Variants in PRTG observed in about 807,000 individuals in gnomAD.
The protein encoded by PRTG is immunoglobulin superfamily, DCC subclass, member 5.
Under a neutral mutation model 122.5 loss-of-function variants are expected in PRTG, and 67 were observed. That is an observed-to-expected ratio of 0.55 (90% CI 0.45 to 0.67). The LOEUF is 0.67. Among genes scored for constraint, PRTG ranks in the 30% least tolerant of loss-of-function variants. The pLI, the probability that PRTG is intolerant of heterozygous loss-of-function variation, is 0.00. For missense variants in PRTG, 1,435 were observed against 1,415.4 expected, an observed-to-expected ratio of 1.01 and a Z score of -0.22; for synonymous variants, 554 against 501.1, an observed-to-expected ratio of 1.11 and a Z score of -1.41.
At position 55,619,840 on chromosome 15, in the gene PRTG, A is replaced by G; in HGVS notation, c.*172T>C. The G allele has an allele frequency of 9.3e-7, 1 of 1,080,228 alleles. No individual in the cohort carries two copies. Among genetic ancestry groups the G allele is most frequent in the Non-Finnish European group, 1.3e-6 (1 of 768,382 alleles). The allele number at this position is 1,080,228 out of a possible 1,614,324, so 66.9% of individuals were successfully genotyped here. On this transcript the variant is annotated 3_prime_UTR_variant, in exon 20 of 20. Transcript: ENST00000389286. ...TGTCCTTCGAACAGATTTAATGGTG[A>G]GAATACCTGAGCATGGCCGTCTAGA... is the stretch of plus-strand genomic sequence containing the variant.
At chr15:55,623,146 T>G (rs752834342) in intron 18 of PRTG, among the ~76,000 whole-genome samples, 7 of 152,152 alleles carry the variant, frequency 4.6e-5, no homozygotes, top group Non-Finnish European at 8.8e-5. Flanking sequence ...GAAAAATAAT[T>G]TATAACAGGG....
chr15:55,699,396 C>T (rs755081904), intron 2 of PRTG, among the ~76,000 whole-genome samples: 16 of 151,996 alleles, frequency 1.1e-4, no homozygotes, highest in Non-Finnish European at 1.5e-4. Context: ...AAGAAATTAG[C>T]AGTGATTTCA....
In PRTG at chr15:55,711,814, G is replaced by A. The variant is rs112115219; in HGVS notation, c.398-27883C>T. Among the ~76,000 whole-genome samples, 144 of 152,270 alleles carry A rather than the reference G, an allele frequency of 9.5e-4. 1 individual carries two copies. Among genetic ancestry groups the A allele is most frequent in the African/African-American group, 2.9e-3 (121 of 41,562 alleles). On this transcript the variant is annotated intron_variant, in intron 2 of 19. Transcript: ENST00000389286. ...ACAATAATATATACTTACAGTTTTA[G>A]GCCACCCTGTTTAGAAATAATTTGT...
chr15:55,668,983 T>C (rs2059453282), intron 11 of PRTG, among the ~76,000 whole-genome samples: 1 of 152,178 alleles, frequency 6.6e-6, no homozygotes, highest in South Asian at 2.1e-4. Flanking sequence ...AGAGATTACA[T>C]CTGTTACACC....
chr15:55,669,394 A>T (rs1188020460), intron 11 of PRTG, among the ~76,000 whole-genome samples: 1 of 152,214 alleles, frequency 6.6e-6, no homozygotes, highest in Non-Finnish European at 1.5e-5. Context: ...GGATTCCCTT[A>T]ACCTACTGCC....
chr15:55,700,390 T>C (rs1414218012), intron 2 of PRTG, among the ~76,000 whole-genome samples: 2 of 152,202 alleles, frequency 1.3e-5, no homozygotes, highest in South Asian at 4.1e-4. Context: ...AGAAAAATCT[T>C]TGTGTCCTGG....
At chr15:55,685,311 C>A (rs1429036538) in intron 2 of PRTG, among the ~76,000 whole-genome samples, 2 of 152,106 alleles carry the variant, frequency 1.3e-5, no homozygotes, top group Non-Finnish European at 2.9e-5. Context: ...AAGCACAGGA[C>A]AAGGCCAGCA....
chr15:55,703,437 G>C (rs2029966339), intron 2 of PRTG, among the ~76,000 whole-genome samples: 1 of 152,140 alleles, frequency 6.6e-6, no homozygotes. Context: ...ACTAGGGCTT[G>C]ACAGGCAACT....
intron 2 of PRTG, among the ~76,000 whole-genome samples, chr15:55,690,928 T>C (rs975899724): frequency 1.3e-5 from 2 of 152,302 alleles, no homozygotes; most frequent in East Asian, 1.9e-4. Context: ...TAAGTGGTGA[T>C]ACTGGGATCT....
chr15:55,657,469 G>T (rs1366625742), intron 11 of PRTG, among the ~76,000 whole-genome samples: 1 of 152,078 alleles, frequency 6.6e-6, no homozygotes, highest in East Asian at 1.9e-4. Context: ...TCTGTAACTT[G>T]TTAAGTGATC....
chr15:55,666,633 A>G (rs1241945150), intron 11 of PRTG, among the ~76,000 whole-genome samples: 2 of 152,206 alleles, frequency 1.3e-5, no homozygotes, highest in Admixed American at 1.3e-4. Flanking sequence ...TTAGCTTTCA[A>G]ATCTAGTGAT....
rs540081318 is a variant in PRTG, at chr15:55,617,377, A to G, written c.*2635T>C. Reference sequence around the variant, plus strand: ...AAGAAAGTATTACAACTTATTTTAAATGCTCTGGTAACAATAAGGTAGTTA... The same window carrying G: ...AAGAAAGTATTACAACTTATTTTAAGTGCTCTGGTAACAATAAGGTAGTTA... On this transcript the variant is annotated 3_prime_UTR_variant, in exon 20 of 20. Transcript: ENST00000389286. The G allele has an allele frequency of 6.6e-6, 1 of 152,220 alleles. No individual in the cohort carries two copies. The highest frequency in any genetic ancestry group is 2.1e-4 in the South Asian group (1 of 4,826). The allele number at this position is 152,220 out of a possible 1,614,324, so 9.4% of individuals were successfully genotyped here.
At chr15:55,721,769 G>A (rs1330006642) in intron 2 of PRTG, among the ~76,000 whole-genome samples, 1 of 152,162 alleles carries the variant, frequency 6.6e-6, no homozygotes, top group African/African-American at 2.4e-5. Flanking sequence ...AGAGGGAGAA[G>A]CAAACATGTC....
In PRTG at chr15:55,673,641, G is replaced by C; in HGVS notation, c.1582C>G (p.Arg528Gly). Residue 528 changes from arginine to glycine, a missense_variant, in exon 10 of 20, where the codon CGA (arginine) becomes GGA (glycine). By Grantham distance (125) the Arg-to-Gly change is moderately radical (BLOSUM62 -2). Coordinates refer to ENST00000389286, the MANE Select transcript of PRTG (RefSeq NM_173814.6). ...LRPPEISLTSRSPTDILISWL... is the reference protein window; with the variant it reads ...LRPPEISLTSGSPTDILISWL... The stretch of plus-strand genomic sequence containing the variant: ...GAGATGAGAATATCAGTGGGACTTC[G>C]ACTTGTCAAACTAATTTCAGGAGGT... 6.2e-7 allele frequency: 1 copy of C among 1,614,042 alleles called. No individual in the cohort carries two copies. Among genetic ancestry groups the C allele is most frequent in the Non-Finnish European group, 8.5e-7 (1 of 1,179,936 alleles).
At chr15:55,741,666 TTCC>T (rs2031613578) in intron 1 of PRTG, among the ~76,000 whole-genome samples, 1 of 152,214 alleles carries the variant, frequency 6.6e-6, no homozygotes, top group African/African-American at 2.4e-5. Context: ...TTGCTTCACC[TTCC>T]TCCTGATCGT....
chr15:55,620,583 G>T (rs1194210137), intron 19 of PRTG, 80 bp downstream of exon 19: 3 of 1,500,758 alleles, frequency 2.0e-6, no homozygotes, highest in Non-Finnish European at 2.7e-6. Flanking sequence ...AATAAAGCAT[G>T]AATTCACATT....
In PRTG at chr15:55,613,033, C is replaced by A. The variant is rs1278758191; in HGVS notation, c.*6979G>T. On this transcript the variant is annotated 3_prime_UTR_variant, in exon 20 of 20. Transcript: ENST00000389286. ...ATGAGTTTCAGATTATGATTATTTACACTTGAATTTTCTCTTAAGTTTTCA... is the reference window on the plus strand; with the variant it reads ...ATGAGTTTCAGATTATGATTATTTAAACTTGAATTTTCTCTTAAGTTTTCA... The A allele has an allele frequency of 2.6e-5, 4 of 151,974 alleles. No homozygotes were observed. The allele number at this position is 151,974 out of a possible 1,614,324, so 9.4% of individuals were successfully genotyped here.
At chr15:55,632,346 C>T (rs1163477942) in intron 15 of PRTG, among the ~76,000 whole-genome samples, 1 of 152,096 alleles carries the variant, frequency 6.6e-6, no homozygotes, top group Non-Finnish European at 1.5e-5. Context: ...CTGTCCAAGC[C>T]CTCATCAACT....
intron 7 of PRTG, 128 bp downstream of exon 7, chr15:55,679,158 G>C (rs1431318177): frequency 1.6e-6 from 1 of 614,938 alleles, no homozygotes; most frequent in East Asian, 3.0e-5. Flanking sequence ...TAATTTCTTA[G>C]TTTAGTTTCA....
Sources: allele counts gnomAD v4.1 joint callset (sites outside exome capture counted in the v4.1 genomes callset), GRCh38; gene constraint gnomAD v4.1.1; transcripts MANE v1.5; gene names NCBI Gene and HGNC (gene_info 2026-07-23, HGNC 2026-07-21).